The following ZNF804B variants were observed in gnomAD, a reference collection of about 807,000 sequenced individuals.
The protein encoded by ZNF804B is zinc finger 804B.
A neutral mutation model predicts 101.4 loss-of-function variants in ZNF804B; 80 were observed. The observed-to-expected ratio is 0.79, with a 90% CI of 0.66 to 0.95. ZNF804B has a LOEUF of 0.95. Among genes scored for constraint, ZNF804B ranks in the 40% least tolerant of loss-of-function variants. The pLI, the probability that ZNF804B is intolerant of heterozygous loss-of-function variation, is 0.00. For synonymous variants in ZNF804B, 622 were observed against 558.8 expected (o/e 1.11, Z -1.59); for missense variants, 1,673 against 1,561.9 (o/e 1.07, Z -1.20).
intron 1 of ZNF804B, among the ~76,000 whole-genome samples, chr7:89,186,704 C>T (rs1788380460): frequency 6.6e-6 from 1 of 151,976 alleles, no homozygotes; most frequent in Non-Finnish European, 1.5e-5. Context: ...CTTTCAGCCA[C>T]CTGGTTTTGA....
chr7:88,870,412 G>T (rs1791804853), intron 1 of ZNF804B, among the ~76,000 whole-genome samples: 1 of 139,778 alleles, frequency 7.2e-6, no homozygotes, highest in African/African-American at 2.7e-5. Context: ...AAAAAAGGTG[G>T]GTGATTGGAA....
intron 1 of ZNF804B, among the ~76,000 whole-genome samples, chr7:88,932,712 T>C (rs1410435245): frequency 6.6e-6 from 1 of 151,720 alleles, no homozygotes; most frequent in Non-Finnish European, 1.5e-5. Context: ...CTAGAGACAC[T>C]AAGCAGACCA....
intron 1 of ZNF804B, among the ~76,000 whole-genome samples, chr7:89,217,404 T>A (rs974570190): frequency 6.6e-5 from 10 of 152,176 alleles, no homozygotes; most frequent in African/African-American, 2.4e-4. Context: ...TTGATGCATC[T>A]ATAATGCAGA....
chr7:89,096,968 T>C (rs1320609417), intron 1 of ZNF804B, among the ~76,000 whole-genome samples: 1 of 152,142 alleles, frequency 6.6e-6, no homozygotes. Context: ...CCTCCCTAGG[T>C]TTCATTCCTA....
At chr7:88,804,337 G>C (rs868653225) in intron 1 of ZNF804B, among the ~76,000 whole-genome samples, 1 of 152,024 alleles carries the variant, frequency 6.6e-6, no homozygotes, top group African/African-American at 2.4e-5. Flanking sequence ...GTTTCTTTTT[G>C]TCTTTTCTAT....
chr7:89,058,403 A>T (rs1461460902), intron 1 of ZNF804B, among the ~76,000 whole-genome samples: 2 of 151,642 alleles, frequency 1.3e-5, no homozygotes, highest in Non-Finnish European at 2.9e-5. Flanking sequence ...TTTTATATTG[A>T]TATTATCACT....
At chr7:89,209,118 GT>G (rs1330437808) in intron 1 of ZNF804B, among the ~76,000 whole-genome samples, 1 of 152,046 alleles carries the variant, frequency 6.6e-6, no homozygotes, top group African/African-American at 2.4e-5. Flanking sequence ...ATATTTAATT[GT>G]TTCTTCATGT....
intron 1 of ZNF804B, among the ~76,000 whole-genome samples, chr7:88,978,517 T>C (rs942257496): frequency 6.6e-6 from 1 of 151,882 alleles, no homozygotes; most frequent in African/African-American, 2.4e-5. Context: ...TTTTCTAATA[T>C]GTCTACTACT....
intron 1 of ZNF804B, among the ~76,000 whole-genome samples, chr7:89,069,093 T>C (rs541373816): frequency 1.3e-5 from 2 of 152,328 alleles, no homozygotes; most frequent in African/African-American, 2.4e-5. Flanking sequence ...CAGTACCCTG[T>C]AGGCAAAAGA....
intron 1 of ZNF804B, among the ~76,000 whole-genome samples, chr7:88,981,140 T>C (rs1044465575): frequency 2.0e-5 from 3 of 152,036 alleles, no homozygotes; most frequent in Non-Finnish European, 2.9e-5. Context: ...TGCTGGGTCT[T>C]ACCCAAGGTT....
chr7:89,156,475 C>T (rs17399421), intron 1 of ZNF804B, among the ~76,000 whole-genome samples: 30,723 of 152,054 alleles, frequency 0.2, 3,340 homozygotes, highest in Non-Finnish European at 0.23. Flanking sequence ...TCCATTGTAA[C>T]GTTTGTGTAC....
At chr7:89,030,258 A>T (rs151134802) in intron 1 of ZNF804B, among the ~76,000 whole-genome samples, 200 of 152,308 alleles carry the variant, frequency 1.3e-3, no homozygotes, top group Non-Finnish European at 2.2e-3. Flanking sequence ...CTGAAGTCTC[A>T]TCAATACATA....
At chr7:89,000,077 A>T (rs1788261850) in intron 1 of ZNF804B, among the ~76,000 whole-genome samples, 1 of 151,968 alleles carries the variant, frequency 6.6e-6, no homozygotes, top group Non-Finnish European at 1.5e-5. Context: ...CATGACATAG[A>T]CTGTGTGATA....
At chr7:89,018,463 T>C (rs963555859) in intron 1 of ZNF804B, among the ~76,000 whole-genome samples, 1 of 93,320 alleles carries the variant, frequency 1.1e-5, no homozygotes, top group Non-Finnish European at 2.1e-5. Flanking sequence ...TATTGGTCTG[T>C]AGTTTTTATG....
chr7:88,971,730 C>T (rs766183789), intron 1 of ZNF804B, among the ~76,000 whole-genome samples: 2 of 151,602 alleles, frequency 1.3e-5, no homozygotes, highest in African/African-American at 2.4e-5. Context: ...TCTACTCACA[C>T]ATGAAGATAC....
chr7:88,911,478 T>C (rs1792549971), intron 1 of ZNF804B, among the ~76,000 whole-genome samples: 1 of 148,692 alleles, frequency 6.7e-6, no homozygotes, highest in African/African-American at 2.4e-5. Flanking sequence ...TATTCTTATG[T>C]ATTTATATTT....
In ZNF804B at chr7:88,887,946, A is replaced by C. The variant is rs188830568; in HGVS notation, c.108+127862A>C. 1.7e-4 allele frequency among the ~76,000 whole-genome samples: 26 copies of C among 152,352 alleles called. No individual in the cohort carries two copies. The East Asian group carries it at 4.8e-3, about 28-fold the overall frequency. ...TATATATCTGAGAATTGCTATTTCA[A>C]AAATATATGTATTACTGAAAATTTC... On this transcript the variant is annotated intron_variant, in intron 1 of 3. Coordinates refer to ENST00000333190, the MANE Select transcript of ZNF804B (RefSeq NM_181646.5).
intron 2 of ZNF804B, among the ~76,000 whole-genome samples, chr7:89,273,697 G>A (rs1218028791): frequency 6.6e-6 from 1 of 152,024 alleles, no homozygotes; most frequent in African/African-American, 2.4e-5. Context: ...CATATTAAGA[G>A]CTCAAATACT....
intron 1 of ZNF804B, among the ~76,000 whole-genome samples, chr7:89,007,446 T>TTATATA (rs61374091): frequency 0.034 from 1,957 of 57,008 alleles, 66 homozygotes; most frequent in East Asian, 0.074. Context: ...ATCCATGATT[T>TTATATA]TATATATATA....
Sources: allele counts gnomAD v4.1 joint callset (sites outside exome capture counted in the v4.1 genomes callset), GRCh38; gene constraint gnomAD v4.1.1; transcripts MANE v1.5; gene names NCBI Gene and HGNC (gene_info 2026-07-23, HGNC 2026-07-21).